MIR2052HG: variants seen among roughly 807,000 people sequenced by gnomAD.
MIR2052HG encodes MIR2052 host gene.
intron 4 of MIR2052HG, among the ~76,000 whole-genome samples, chr8:74,723,002 C>G (rs570214780): frequency 2.6e-5 from 4 of 152,288 alleles, no homozygotes; most frequent in Admixed American, 2.0e-4. Context: ...ATGGGGAACT[C>G]TCTTCTTCAT....
chr8:74,665,503 T>C (rs1018891877), intron 2 of MIR2052HG, among the ~76,000 whole-genome samples: 2 of 152,190 alleles, frequency 1.3e-5, no homozygotes, highest in Admixed American at 6.5e-5. Context: ...GCTGCTTCTA[T>C]CTCCTGCAAT....
chr8:74,650,677 A>C (rs1172440130), intron 2 of MIR2052HG, among the ~76,000 whole-genome samples: 3 of 152,194 alleles, frequency 2.0e-5, no homozygotes, highest in Admixed American at 6.6e-5. Context: ...TGAAAGTTCC[A>C]GTAGTTCCAT....
At chr8:74,716,823 G>A (rs980058495) in intron 4 of MIR2052HG, among the ~76,000 whole-genome samples, 2 of 152,094 alleles carry the variant, frequency 1.3e-5, no homozygotes, top group Admixed American at 1.3e-4. Context: ...GCCTTATCTT[G>A]TAAGAACTTA....
chr8:74,724,555 A>G (rs1216691660), intron 4 of MIR2052HG, among the ~76,000 whole-genome samples: 1 of 152,248 alleles, frequency 6.6e-6, no homozygotes, highest in East Asian at 1.9e-4. Context: ...CTGTATTGAT[A>G]TGATGATATA....
At chr8:74,682,459 CTAA>C (rs1378195493) in intron 2 of MIR2052HG, among the ~76,000 whole-genome samples, 2 of 151,788 alleles carry the variant, frequency 1.3e-5, no homozygotes, top group African/African-American at 4.8e-5. Flanking sequence ...TAACAAAATA[CTAA>C]TAATAAAATG....
chr8:74,728,098 T>A (rs1441151428), intron 4 of MIR2052HG, among the ~76,000 whole-genome samples: 6 of 152,242 alleles, frequency 3.9e-5, no homozygotes, highest in African/African-American at 1.4e-4. Flanking sequence ...ATGAGTTTTG[T>A]AGCAGAATAA....
At chr8:74,750,289 C>T (rs1809930930) in intron 4 of MIR2052HG, among the ~76,000 whole-genome samples, 1 of 152,112 alleles carries the variant, frequency 6.6e-6, no homozygotes. Flanking sequence ...ATTTTACTAG[C>T]AAATTATATT....
intron 4 of MIR2052HG, among the ~76,000 whole-genome samples, chr8:74,741,640 G>C (rs546761346): frequency 3.9e-5 from 6 of 152,010 alleles, no homozygotes; most frequent in Non-Finnish European, 7.4e-5. Context: ...CCTTTTTCTG[G>C]ATCTACCGTA....
chr8:74,601,857 T>C (rs1278793168), intron 1 of MIR2052HG, among the ~76,000 whole-genome samples: 1 of 152,232 alleles, frequency 6.6e-6, no homozygotes, highest in East Asian at 1.9e-4. Flanking sequence ...CATATTTAAG[T>C]GAATAAATCT....
chr8:74,654,781 C>T (rs1434002530), intron 2 of MIR2052HG, among the ~76,000 whole-genome samples: 5 of 151,950 alleles, frequency 3.3e-5, no homozygotes, highest in African/African-American at 9.7e-5. Flanking sequence ...TGAGAAGATA[C>T]CCGAAAATGT....
intron 4 of MIR2052HG, among the ~76,000 whole-genome samples, chr8:74,717,624 C>T (rs1329172402): frequency 6.6e-6 from 1 of 151,760 alleles, no homozygotes; most frequent in Non-Finnish European, 1.5e-5. Context: ...TCAAGACCAG[C>T]CTGGGCAAGA....
intron 4 of MIR2052HG, among the ~76,000 whole-genome samples, chr8:74,704,881 C>T (rs1296002232): frequency 1.3e-5 from 2 of 152,040 alleles, no homozygotes; most frequent in Non-Finnish European, 2.9e-5. Flanking sequence ...TATCCTCTTT[C>T]AATGGTTAGG....
At chr8:74,712,261 G>T (rs1809475477) in intron 4 of MIR2052HG, among the ~76,000 whole-genome samples, 2 of 152,162 alleles carry the variant, frequency 1.3e-5, no homozygotes, top group South Asian at 4.1e-4. Flanking sequence ...TAGGGTAAAT[G>T]CTTAGGAGGT....
intron 2 of MIR2052HG, among the ~76,000 whole-genome samples, chr8:74,681,509 C>T (rs10110161): frequency 0.018 from 2,732 of 152,224 alleles, 68 homozygotes; most frequent in African/African-American, 0.062. Flanking sequence ...ACCATGGTTT[C>T]AATTTCTCCT....
intron 2 of MIR2052HG, among the ~76,000 whole-genome samples, chr8:74,615,670 T>C (rs1182101427): frequency 3.3e-5 from 5 of 152,122 alleles, no homozygotes; most frequent in Non-Finnish European, 7.4e-5. Context: ...TGCAGGTTTG[T>C]TACATATGTA....
At position 74,651,489 on chromosome 8, in the gene MIR2052HG, CT is replaced by C. The variant is rs145085872; in HGVS notation, n.216+38551del. Among the ~76,000 whole-genome samples, 843 of 152,036 alleles carry C rather than the reference CT, an allele frequency of 5.5e-3. 7 individuals carry two copies. Among genetic ancestry groups the C allele is most frequent in the African/African-American group, 0.019 (809 of 41,492 alleles). On this transcript the variant is annotated intron_variant and non_coding_transcript_variant, in intron 2 of 6. Transcript: ENST00000523442. Reference sequence around the variant, plus strand: ...TAGTATAACATTTATAACATATTTTCTTGCTTTTTATTAAAGAATCTTAAAA... The same window carrying C: ...TAGTATAACATTTATAACATATTTTCTGCTTTTTATTAAAGAATCTTAAAA...
intron 2 of MIR2052HG, among the ~76,000 whole-genome samples, chr8:74,687,637 C>T (rs907892183): frequency 7.2e-5 from 11 of 152,020 alleles, no homozygotes; most frequent in African/African-American, 2.7e-4. Context: ...AATAGTAAAA[C>T]TTACAGAGGC....
At chr8:74,744,554 C>G (rs1198733104) in intron 4 of MIR2052HG, among the ~76,000 whole-genome samples, 1 of 151,926 alleles carries the variant, frequency 6.6e-6, no homozygotes, top group Non-Finnish European at 1.5e-5. Context: ...CAATTCCCAC[C>G]TATGAGTGAG....
intron 4 of MIR2052HG, among the ~76,000 whole-genome samples, chr8:74,738,365 TTATC>T (rs1236014062): frequency 1.3e-5 from 2 of 152,184 alleles, no homozygotes; most frequent in Non-Finnish European, 2.9e-5. Flanking sequence ...TTCACCCAAC[TTATC>T]TCCATAAGTT....
Sources: allele counts gnomAD v4.1 joint callset (sites outside exome capture counted in the v4.1 genomes callset), GRCh38; gene constraint gnomAD v4.1.1; transcripts MANE v1.5; gene names NCBI Gene and HGNC (gene_info 2026-07-23, HGNC 2026-07-21).